Variants in SLC44A3 observed in about 807,000 individuals in gnomAD.
The protein encoded by SLC44A3 is choline transporter-like protein 3.
A neutral mutation model predicts 75.4 loss-of-function variants in SLC44A3; 74 were observed. That is an observed-to-expected ratio of 0.98 (90% CI 0.81 to 1.19). The LOEUF (loss-of-function observed/expected upper bound fraction) is 1.19, where lower values mean the gene tolerates loss of function less well. Among genes scored for constraint, SLC44A3 ranks in the 50% most tolerant of loss-of-function variants. SLC44A3 has a pLI of 0.00. For missense variants in SLC44A3, 700 were observed against 778.6 expected (o/e 0.90, Z 1.20); for synonymous variants, 310 against 296.9 (o/e 1.04, Z -0.45).
intron 9 of SLC44A3, among the ~76,000 whole-genome samples, chr1:94,847,790 G>T (rs2101114939): frequency 6.6e-6 from 1 of 152,312 alleles, no homozygotes; most frequent in East Asian, 1.9e-4. Flanking sequence ...CAGGAAAATT[G>T]AGATTCTGAG....
chr1:94,878,200 A>C (rs1368973796), intron 12 of SLC44A3, among the ~76,000 whole-genome samples: 1 of 151,934 alleles, frequency 6.6e-6, no homozygotes. Flanking sequence ...GCACCACTGC[A>C]CTCCAACCTG....
At chr1:94,834,307 A>C (rs1662502663) in intron 5 of SLC44A3, among the ~76,000 whole-genome samples, 2 of 152,310 alleles carry the variant, frequency 1.3e-5, no homozygotes, top group East Asian at 1.9e-4. Context: ...GGAAGTGCTC[A>C]AGAAAGAAAA....
rs947318812 is a variant in SLC44A3 at position 94,895,152 on chromosome 1, A to G, written c.*230A>G. The G allele has an allele frequency of 5.5e-5, 23 of 414,736 alleles. No individual in the cohort carries two copies. Among genetic ancestry groups the G allele is most frequent in the South Asian group, 2.7e-4 (5 of 18,616 alleles). The allele number at this position is 414,736 out of a possible 1,614,324, so 25.7% of individuals were successfully genotyped here. On this transcript the variant is annotated 3_prime_UTR_variant, in exon 15 of 15. Transcript: ENST00000271227. ...AGGACAGAAAAACTCTTCTAAAACC[A>G]TGTTTATATGCATCAACTTACAAAG... is the stretch of plus-strand genomic sequence containing the variant.
At chr1:94,890,246 T>C (rs994573285) in intron 12 of SLC44A3, among the ~76,000 whole-genome samples, 1 of 152,202 alleles carries the variant, frequency 6.6e-6, no homozygotes, top group Admixed American at 6.5e-5. Flanking sequence ...CTTTCACTAT[T>C]TTCTTAGTAC....
At position 94,892,437 on chromosome 1, in the gene SLC44A3, C is replaced by G. The variant is rs1443330138; in HGVS notation, c.1777C>G (p.Leu593Val). ...LSVFETVLDA[L>V]FLCFAVDLET... ...TGTGTTTGAAACTGTGCTGGATGCA[C>G]TTTTCCTGTGTTTTGCTGTTGATCT... is the stretch of plus-strand genomic sequence containing the variant. Residue 593 changes from leucine to valine, a missense_variant, in exon 14 of 15, where the codon CTT becomes GTT. Leu to Val is a conservative substitution (Grantham distance 32, BLOSUM62 1). Coordinates refer to ENST00000271227, the MANE Select transcript of SLC44A3 (RefSeq NM_001114106.3). The G allele has an allele frequency of 6.2e-7, 1 of 1,614,158 alleles. No individual in the cohort carries two copies. The highest frequency in any genetic ancestry group is 1.3e-5 in the African/African-American group (1 of 75,040).
chr1:94,848,903 A>G (rs1041069646), intron 9 of SLC44A3, among the ~76,000 whole-genome samples: 3 of 152,116 alleles, frequency 2.0e-5, no homozygotes, highest in African/African-American at 7.2e-5. Flanking sequence ...GTCAGAAAAT[A>G]CAGAAAGAGG....
chr1:94,831,519 T>C (rs1461951185), intron 5 of SLC44A3, among the ~76,000 whole-genome samples: 2 of 152,200 alleles, frequency 1.3e-5, no homozygotes, highest in Non-Finnish European at 2.9e-5. Flanking sequence ...AATGGCTAAA[T>C]ATCAAGGAAT....
chr1:94,843,842 G>A (rs1664019633), intron 8 of SLC44A3, among the ~76,000 whole-genome samples: 1 of 148,254 alleles, frequency 6.7e-6, no homozygotes, highest in Admixed American at 6.9e-5. Flanking sequence ...GGTCCCCTTA[G>A]CTGTGGAGTG....
intron 9 of SLC44A3, among the ~76,000 whole-genome samples, chr1:94,854,829 T>C (rs1467483628): frequency 6.6e-6 from 1 of 151,556 alleles, no homozygotes; most frequent in Admixed American, 6.6e-5. Flanking sequence ...TCCTGGCATC[T>C]GTGTAGAGAG....
At chr1:94,846,406 G>A (rs951174937) in intron 9 of SLC44A3, among the ~76,000 whole-genome samples, 15 of 152,262 alleles carry the variant, frequency 9.9e-5, no homozygotes, top group South Asian at 2.1e-4. Context: ...GTAAAGCTCC[G>A]TAACAGGGCA....
intron 8 of SLC44A3, among the ~76,000 whole-genome samples, 154 bp downstream of exon 8, chr1:94,842,278 A>G (rs546106620): frequency 1.8e-4 from 28 of 152,330 alleles, no homozygotes; most frequent in African/African-American, 6.3e-4. Flanking sequence ...GGGATAATTC[A>G]AAACTCTTCA....
At chr1:94,892,914 CATG>C (rs538192273) in intron 14 of SLC44A3, among the ~76,000 whole-genome samples, 109 of 152,332 alleles carry the variant, frequency 7.2e-4, no homozygotes, top group Middle Eastern at 3.4e-3. Context: ...CATCTCCAAG[CATG>C]ATGTTCATAC....
chr1:94,834,299 A>C (rs1452506526), intron 5 of SLC44A3, among the ~76,000 whole-genome samples: 1 of 152,152 alleles, frequency 6.6e-6, no homozygotes, highest in Non-Finnish European at 1.5e-5. Context: ...GAAAGTAAGG[A>C]AGTGCTCAAG....
chr1:94,876,873 C>T (rs1668350065), intron 12 of SLC44A3, among the ~76,000 whole-genome samples: 1 of 152,116 alleles, frequency 6.6e-6, no homozygotes, highest in Non-Finnish European at 1.5e-5. Context: ...TTCAGGTGTC[C>T]CTAGACATTA....
At position 94,895,082 on chromosome 1, in the gene SLC44A3, T is replaced by TAACA. The variant is rs969292874; in HGVS notation, c.*162_*165dup. 292 of 594,026 alleles carry TAACA rather than the reference T, an allele frequency of 4.9e-4. 3 individuals carry two copies. The highest frequency in any genetic ancestry group is 2.4e-3 in the South Asian group (99 of 41,680). The allele number at this position is 594,026 out of a possible 1,614,324, so 36.8% of individuals were successfully genotyped here. On this transcript the variant is annotated 3_prime_UTR_variant, in exon 15 of 15. Transcript: ENST00000271227. ...TCTTTGTCATTATTGTTTGACCAGGTAACAATACTGGAACTATATTAGTTT... is the reference window on the plus strand; with the variant it reads ...TCTTTGTCATTATTGTTTGACCAGGTAACAAACAATACTGGAACTATATTAGTTT...
chr1:94,830,892 C>G (rs1662038643), intron 5 of SLC44A3, among the ~76,000 whole-genome samples: 2 of 152,156 alleles, frequency 1.3e-5, no homozygotes, highest in African/African-American at 4.8e-5. Context: ...GCTTTTGATA[C>G]TTTTCTAAAC....
intron 1 of SLC44A3, 48 bp from the exon 2 acceptor site, chr1:94,820,901 A>C (rs1380820408): frequency 1.3e-6 from 2 of 1,508,694 alleles, no homozygotes; most frequent in Non-Finnish European, 1.8e-6. Flanking sequence ...TTCCAGGTTG[A>C]GTCCACCTGT....
intron 12 of SLC44A3, among the ~76,000 whole-genome samples, chr1:94,871,922 G>A (rs1329112118): frequency 2.0e-5 from 3 of 152,100 alleles, no homozygotes; most frequent in East Asian, 1.9e-4. Flanking sequence ...TCTAACTGCC[G>A]AGGCAATGCC....
At chr1:94,820,696 T>C in intron 1 of SLC44A3, 1 of 1,382,050 alleles carries the variant, frequency 7.2e-7, no homozygotes, top group Non-Finnish European at 9.3e-7. Context: ...GGGCGCAAAC[T>C]TGGGGTCGTC....
Sources: gnomAD v4.1 joint callset for allele counts (sites outside exome capture counted in the v4.1 genomes callset) on GRCh38, gnomAD v4.1.1 for gene constraint, MANE v1.5 for transcripts, NCBI Gene and HGNC (gene_info 2026-07-23, HGNC 2026-07-21) for gene names.